The following PPARGC1A variants were observed in gnomAD, a reference collection of about 807,000 sequenced individuals.
PPARGC1A encodes the protein PPARG coactivator 1 alpha, also known as peroxisome proliferator-activated receptor gamma coactivator 1-alpha.
In PPARGC1A, 25 loss-of-function variants were observed where a neutral mutation model predicts 88.7. The ratio of observed to expected loss-of-function variants is 0.28; its 90% CI spans 0.21 to 0.39. The LOEUF (loss-of-function observed/expected upper bound fraction) is 0.39. PPARGC1A is among the 10% of genes least tolerant of loss of function. The pLI, the probability that PPARGC1A is intolerant of heterozygous loss-of-function variation, is 1.00. For missense variants in PPARGC1A, 880 were observed against 968.7 expected, an observed-to-expected ratio of 0.91 and a Z score of 1.22; for synonymous variants, 363 against 355.6, an observed-to-expected ratio of 1.02 and a Z score of -0.24.
chr4:23,956,969 T>C, the PPARGC1A span, among the ~76,000 whole-genome samples: 6 of 152,082 alleles, frequency 3.9e-5, no homozygotes, highest in Admixed American at 2.6e-4. Context: ...ATAACGAAAC[T>C]AATAGCTTCA....
intron 2 of PPARGC1A, among the ~76,000 whole-genome samples, chr4:23,870,344 G>C (rs535350139): frequency 1.1e-4 from 17 of 152,114 alleles, no homozygotes; most frequent in Non-Finnish European, 2.5e-4. Context: ...AGCACTGTCT[G>C]GTATTGCAAA....
the PPARGC1A span, among the ~76,000 whole-genome samples, chr4:24,051,936 A>T: frequency 4.8e-4 from 14 of 29,392 alleles, no homozygotes; most frequent in South Asian, 5.0e-3. Context: ...TGATTTGCAC[A>T]AAAAAAAAAA....
At chr4:24,010,474 C>T in the PPARGC1A span, among the ~76,000 whole-genome samples, 3 of 152,046 alleles carry the variant, frequency 2.0e-5, no homozygotes, top group Admixed American at 1.3e-4. Flanking sequence ...TTATTAAATG[C>T]CGACCATATT....
upstream of PPARGC1A, among the ~76,000 whole-genome samples, chr4:23,900,530 G>T (rs1439677803): frequency 6.6e-6 from 1 of 152,166 alleles, no homozygotes; most frequent in Non-Finnish European, 1.5e-5. Flanking sequence ...GCATATAATA[G>T]CTACTCCATA....
At chr4:24,015,091 G>A in the PPARGC1A span, among the ~76,000 whole-genome samples, 2 of 152,108 alleles carry the variant, frequency 1.3e-5, no homozygotes, top group Non-Finnish European at 2.9e-5. Context: ...CCATTCTGTG[G>A]ATAGAGTTAG....
the PPARGC1A span, among the ~76,000 whole-genome samples, chr4:24,404,884 G>A: frequency 6.6e-6 from 1 of 152,138 alleles, no homozygotes; most frequent in African/African-American, 2.4e-5. Context: ...TCCCTCCTGA[G>A]TAATATCACG....
the PPARGC1A span, among the ~76,000 whole-genome samples, chr4:24,276,668 C>A: frequency 6.6e-6 from 1 of 152,190 alleles, no homozygotes; most frequent in African/African-American, 2.4e-5. Flanking sequence ...CATTCTTTGC[C>A]TCTTAAAGGT....
Position 23,793,318 on chromosome 4 carries a change from G to C in PPARGC1A, c.*2504C>G, listed in dbSNP as rs1242650349. ...TTAGGCGGATTAAAGATGTGTTACT[G>C]TTGTAACGCAGAACCTGTGAACAAG... On this transcript the variant is annotated 3_prime_UTR_variant, in exon 13 of 13. Coordinates refer to ENST00000264867, the MANE Select transcript of PPARGC1A (RefSeq NM_013261.5). 1 of 152,566 alleles carries C rather than the reference G, an allele frequency of 6.6e-6. No individual in the cohort carries two copies. The highest frequency in any genetic ancestry group is 2.4e-5 in the African/African-American group (1 of 41,446). 9.5% of individuals were successfully genotyped at this position (152,566 alleles called of 1,614,324 possible). A position where few individuals can be genotyped will look rare whatever the true frequency, so the allele number is the denominator to read the frequency against.
chr4:23,935,364 A>G, the PPARGC1A span, among the ~76,000 whole-genome samples: 1 of 152,194 alleles, frequency 6.6e-6, no homozygotes, highest in East Asian at 1.9e-4. Context: ...AGTAAATTAT[A>G]TACTAATTTT....
chr4:24,311,185 C>T, the PPARGC1A span, among the ~76,000 whole-genome samples: 9 of 143,190 alleles, frequency 6.3e-5, no homozygotes, highest in African/African-American at 2.0e-4. Context: ...CTGCAAGCTC[C>T]GCCTCCTGGG....
the PPARGC1A span, among the ~76,000 whole-genome samples, chr4:24,200,655 C>CAAAAAAAAAAAAAAAA: frequency 1.1e-4 from 10 of 88,358 alleles, no homozygotes; most frequent in African/African-American, 1.8e-4. Context: ...ATTTATTAAG[C>CAAAAAAAAAAAAAAAA]AAAAAAAAAA....
intron 2 of PPARGC1A, among the ~76,000 whole-genome samples, chr4:23,878,341 A>T (rs914681718): frequency 3.4e-5 from 5 of 148,960 alleles, no homozygotes; most frequent in African/African-American, 1.3e-4. Context: ...AACCGAATCA[A>T]CGTCCATAAA....
chr4:24,304,805 GTATA>G, the PPARGC1A span, among the ~76,000 whole-genome samples: 2 of 152,112 alleles, frequency 1.3e-5, no homozygotes, highest in Non-Finnish European at 2.9e-5. Context: ...TATAAGGAAG[GTATA>G]TATCTTATAA....
At chr4:24,289,160 C>T in the PPARGC1A span, among the ~76,000 whole-genome samples, 5 of 130,428 alleles carry the variant, frequency 3.8e-5, no homozygotes, top group African/African-American at 5.9e-5. Flanking sequence ...GCGGAGGTTG[C>T]GGTGAGCCAA....
the PPARGC1A span, among the ~76,000 whole-genome samples, chr4:24,258,825 TC>T: frequency 6.6e-6 from 1 of 152,238 alleles, no homozygotes. Flanking sequence ...TTCTAGGACA[TC>T]CCATCCTTTC....
intron 2 of PPARGC1A, among the ~76,000 whole-genome samples, chr4:23,833,438 C>T (rs1368372961): frequency 6.6e-6 from 1 of 152,212 alleles, no homozygotes; most frequent in Non-Finnish European, 1.5e-5. Context: ...TATGCTATGA[C>T]ATTAACAATA....
the PPARGC1A span, among the ~76,000 whole-genome samples, chr4:23,962,064 C>A: frequency 7.2e-5 from 11 of 152,094 alleles, no homozygotes; most frequent in African/African-American, 1.7e-4. Context: ...AATCAAACAG[C>A]AAATCTGCTG....
the PPARGC1A span, among the ~76,000 whole-genome samples, chr4:24,348,688 C>CTTAGA: frequency 6.6e-6 from 1 of 152,084 alleles, no homozygotes; most frequent in Non-Finnish European, 1.5e-5. Flanking sequence ...CTGTCTATTT[C>CTTAGA]CATGAATATT....
chr4:24,058,296 A>T, the PPARGC1A span, among the ~76,000 whole-genome samples: 1 of 152,240 alleles, frequency 6.6e-6, no homozygotes, highest in Non-Finnish European at 1.5e-5. Flanking sequence ...TGAAAAGAAT[A>T]AAATTTTTAA....
Sources: gnomAD v4.1 joint callset for allele counts (sites outside exome capture counted in the v4.1 genomes callset) on GRCh38, gnomAD v4.1.1 for gene constraint, MANE v1.5 for transcripts, NCBI Gene and HGNC (gene_info 2026-07-23, HGNC 2026-07-21) for gene names.